The following CSMD1 variants were observed in gnomAD, a reference collection of about 807,000 sequenced individuals.
CSMD1 encodes CUB and sushi domain-containing protein 1.
A neutral mutation model predicts 417.5 loss-of-function variants in CSMD1; 213 were observed. The observed-to-expected ratio is 0.51, with a 90% CI of 0.46 to 0.57. The LOEUF (loss-of-function observed/expected upper bound fraction) is 0.57, where lower values mean the gene tolerates loss of function less well. CSMD1 is among the 20% of genes least tolerant of loss of function. The pLI is 0.00. For synonymous variants in CSMD1, 2,862 were observed against 1,736.8 expected, an observed-to-expected ratio of 1.65 and a Z score of -16.11; for missense variants, 6,923 against 4,529.7, an observed-to-expected ratio of 1.53 and a Z score of -15.17.
At chr8:3,534,747 G>A (rs1798121570) in intron 10 of CSMD1, among the ~76,000 whole-genome samples, 1 of 152,140 alleles carries the variant, frequency 6.6e-6, no homozygotes, top group African/African-American at 2.4e-5. Flanking sequence ...CATCCAGGTT[G>A]AGCATATGGC....
rs569189196 is a variant in CSMD1 at position 3,819,863 on chromosome 8, G to A, written c.819-65821C>T. 1.7e-4 allele frequency among the ~76,000 whole-genome samples: 26 copies of A among 152,186 alleles called. No individual in the cohort carries two copies. The South Asian group carries it at 2.7e-3, about 16-fold the overall frequency. ...CCTGGCCTGAAAGTGATTTTGCAAG[G>A]GGTAAACTAAATCAAGCAGGGATCC... On this transcript the variant is annotated intron_variant, in intron 5 of 69. Coordinates refer to ENST00000635120, the MANE Select transcript of CSMD1 (RefSeq NM_033225.6).
chr8:3,118,685 AGTT>A (rs1282551427), intron 41 of CSMD1, 98 bp from the exon 42 acceptor site: 4 of 1,060,198 alleles, frequency 3.8e-6, no homozygotes, highest in African/African-American at 1.6e-5. Flanking sequence ...CTTGAGATGA[AGTT>A]GTTGGATAAG....
chr8:4,788,129 C>A lies in CSMD1; in HGVS notation c.86-150571G>T, dbSNP rs556870406. The A allele has an allele frequency of 4.5e-4, 720 of 1,602,474 alleles. 9 individuals are homozygous for A. In the South Asian group the frequency reaches 7.6e-3, roughly 17 times the overall value. On this transcript the variant is annotated intron_variant, in intron 1 of 69. Transcript: ENST00000635120. ...AGTGCAGGGTTGTAGTGTTGATGGG[C>A]TCTACTTCTGATCTTGGTCACTGTG... is the stretch of plus-strand genomic sequence containing the variant.
intron 1 of CSMD1, among the ~76,000 whole-genome samples, chr8:4,904,953 C>A (rs543988754): frequency 6.6e-6 from 1 of 152,218 alleles, no homozygotes; most frequent in East Asian, 1.9e-4. Flanking sequence ...GGACAAGGGA[C>A]CATGCCGCCG....
At chr8:3,678,727 C>A (rs11774485) in intron 7 of CSMD1, among the ~76,000 whole-genome samples, 2 of 152,050 alleles carry the variant, frequency 1.3e-5, no homozygotes, top group South Asian at 2.1e-4. Flanking sequence ...CTCCAAGACA[C>A]ATAATTGTCA....
At chr8:4,917,367 G>T (rs1165499143) in intron 1 of CSMD1, among the ~76,000 whole-genome samples, 2 of 152,176 alleles carry the variant, frequency 1.3e-5, no homozygotes, top group Non-Finnish European at 2.9e-5. Flanking sequence ...GGGTGCGGCG[G>T]CTCACGCCTG....
At chr8:4,496,274 G>C (rs1377578551) in intron 2 of CSMD1, among the ~76,000 whole-genome samples, 1 of 152,158 alleles carries the variant, frequency 6.6e-6, no homozygotes, top group Non-Finnish European at 1.5e-5. Flanking sequence ...GTCCGTGGCT[G>C]GGATAAGGTG....
rs12114681 is a variant in CSMD1 at position 4,907,038 on chromosome 8, G to A, written c.85+87294C>T. 4.7e-3 allele frequency among the ~76,000 whole-genome samples: 713 copies of A among 152,230 alleles called. 4 individuals carry two copies. The highest frequency in any genetic ancestry group is 0.016 in the African/African-American group (654 of 41,548). Reference sequence around the variant, plus strand: ...GTCTTAAAGTGCCATCATAATGTTTGCATTCAACATAACAGTGAGAGAATG... The same window carrying A: ...GTCTTAAAGTGCCATCATAATGTTTACATTCAACATAACAGTGAGAGAATG... On this transcript the variant is annotated intron_variant, in intron 1 of 69. Transcript: ENST00000635120.
intron 27 of CSMD1, among the ~76,000 whole-genome samples, chr8:3,226,074 T>G (rs768047901): frequency 1.3e-5 from 2 of 152,252 alleles, no homozygotes; most frequent in African/African-American, 2.4e-5. Flanking sequence ...TCTACGTTTC[T>G]GCATTAAAAC....
intron 26 of CSMD1, among the ~76,000 whole-genome samples, chr8:3,254,833 G>C (rs549636707): frequency 6.6e-5 from 10 of 151,950 alleles, no homozygotes; most frequent in Admixed American, 6.6e-4. Flanking sequence ...CCTTTAGCTC[G>C]GGGTCGTTTG....
At chr8:4,388,667 C>T (rs767685030) in intron 3 of CSMD1, among the ~76,000 whole-genome samples, 1 of 151,972 alleles carries the variant, frequency 6.6e-6, no homozygotes, top group African/African-American at 2.4e-5. Flanking sequence ...ACCTATGTAA[C>T]CAAATACCAC....
intron 2 of CSMD1, among the ~76,000 whole-genome samples, chr8:4,495,903 T>A (rs568501143): frequency 1.3e-5 from 2 of 152,318 alleles, no homozygotes; most frequent in Non-Finnish European, 1.5e-5. Flanking sequence ...CTTACCCTCC[T>A]AACCCCAGGT....
intron 1 of CSMD1, among the ~76,000 whole-genome samples, chr8:4,937,784 G>GCACACACACA (rs112025933): frequency 1.3e-5 from 2 of 149,530 alleles, no homozygotes; most frequent in South Asian, 4.2e-4. Context: ...AGTGGCGCGT[G>GCACACACACA]CACACACACA....
chr8:3,266,788 A>G (rs928609961), intron 26 of CSMD1, among the ~76,000 whole-genome samples: 5 of 147,554 alleles, frequency 3.4e-5, no homozygotes, highest in African/African-American at 1.3e-4. Context: ...AAAAATCAAA[A>G]AAAAAAAAAA....
chr8:4,217,945 G>A (rs1356365975), intron 3 of CSMD1, among the ~76,000 whole-genome samples: 2 of 152,168 alleles, frequency 1.3e-5, no homozygotes, highest in African/African-American at 2.4e-5. Flanking sequence ...GAAATGTGCA[G>A]AGGCTCCAGG....
chr8:4,811,488 A>G (rs1441215512), intron 1 of CSMD1, among the ~76,000 whole-genome samples: 2 of 152,118 alleles, frequency 1.3e-5, no homozygotes, highest in Non-Finnish European at 2.9e-5. Context: ...AATTTTATCA[A>G]ATTTAGGGGA....
chr8:3,757,636 G>T (rs1797733102), intron 5 of CSMD1, among the ~76,000 whole-genome samples: 2 of 152,050 alleles, frequency 1.3e-5, no homozygotes, highest in African/African-American at 4.8e-5. Flanking sequence ...GCCAAGGTGG[G>T]TGGATCACCT....
intron 4 of CSMD1, among the ~76,000 whole-genome samples, chr8:4,001,615 G>A (rs1456164193): frequency 6.6e-6 from 1 of 152,130 alleles, no homozygotes; most frequent in South Asian, 2.1e-4. Flanking sequence ...TTATGCCCCT[G>A]TCTAATATTT....
chr8:4,476,748 G>A (rs1800824000), intron 2 of CSMD1, among the ~76,000 whole-genome samples: 1 of 152,042 alleles, frequency 6.6e-6, no homozygotes, highest in Non-Finnish European at 1.5e-5. Flanking sequence ...CTATACCTCC[G>A]TTTGTTCATA....
Sources: gnomAD v4.1 joint callset for allele counts (sites outside exome capture counted in the v4.1 genomes callset) on GRCh38, gnomAD v4.1.1 for gene constraint, MANE v1.5 for transcripts, NCBI Gene and HGNC (gene_info 2026-07-23, HGNC 2026-07-21) for gene names.